The following RFX3 variants were observed in gnomAD, a reference collection of about 807,000 sequenced individuals.
RFX3 encodes the protein transcription factor RFX3.
A neutral mutation model predicts 98.6 loss-of-function variants in RFX3; 14 were observed. The observed-to-expected ratio is 0.14, with a 90% CI of 0.09 to 0.22. RFX3 has a LOEUF of 0.22. Among genes scored for constraint, RFX3 ranks in the 10% least tolerant of loss-of-function variants. RFX3 has a pLI of 1.00. For synonymous variants in RFX3, 383 were observed against 328.4 expected, an observed-to-expected ratio of 1.17 and a Z score of -1.80; for missense variants, 639 against 926.9, an observed-to-expected ratio of 0.69 and a Z score of 4.03.
At chr9:3,490,849 AAGG>A (rs1345555760) in intron 1 of RFX3, among the ~76,000 whole-genome samples, 41 of 152,092 alleles carry the variant, frequency 2.7e-4, no homozygotes, top group Non-Finnish European at 1.0e-4. Flanking sequence ...TTGTTCAAGG[AAGG>A]AGAATACACA....
chr9:3,388,382 G>C (rs1489101797), intron 2 of RFX3, among the ~76,000 whole-genome samples: 1 of 152,046 alleles, frequency 6.6e-6, no homozygotes, highest in Non-Finnish European at 1.5e-5. Flanking sequence ...GGTTAGATTT[G>C]TTCCCCAAAG....
chr9:3,494,896 G>A (rs1033921029), intron 1 of RFX3, among the ~76,000 whole-genome samples: 1 of 151,946 alleles, frequency 6.6e-6, no homozygotes, highest in African/African-American at 2.4e-5. Context: ...TTCACACTTT[G>A]AGAAGCATTT....
intron 3 of RFX3, among the ~76,000 whole-genome samples, chr9:3,332,888 T>C (rs2920377): frequency 0.18 from 26,909 of 152,096 alleles, 2,439 homozygotes; most frequent in Middle Eastern, 0.22. Context: ...TCCTAATCAT[T>C]CTTAAGCTCT....
At chr9:3,503,279 A>C (rs1398733519) in intron 1 of RFX3, among the ~76,000 whole-genome samples, 1 of 152,176 alleles carries the variant, frequency 6.6e-6, no homozygotes. Flanking sequence ...TAGATTAAAA[A>C]TAAATATTGT....
At chr9:3,481,747 T>C (rs1053473883) in intron 1 of RFX3, among the ~76,000 whole-genome samples, 1 of 152,016 alleles carries the variant, frequency 6.6e-6, no homozygotes, top group Non-Finnish European at 1.5e-5. Flanking sequence ...ATGGAAGATA[T>C]AAATGGAAAC....
chr9:3,481,993 A>C (rs779358119), intron 1 of RFX3, among the ~76,000 whole-genome samples: 9 of 152,154 alleles, frequency 5.9e-5, no homozygotes, highest in Non-Finnish European at 1.0e-4. Flanking sequence ...TAATTGATAA[A>C]AATATTCTAA....
intron 1 of RFX3, among the ~76,000 whole-genome samples, chr9:3,406,111 C>T (rs1398892566): frequency 4.6e-5 from 7 of 152,026 alleles, no homozygotes; most frequent in Admixed American, 4.6e-4. Context: ...CACATGCCAC[C>T]ACGCCTGACA....
At chr9:3,503,744 T>C (rs184420840) in intron 1 of RFX3, among the ~76,000 whole-genome samples, 2 of 152,216 alleles carry the variant, frequency 1.3e-5, no homozygotes, top group Admixed American at 1.3e-4. Context: ...AATTCATAAA[T>C]TACTATCAAA....
At chr9:3,322,702 C>T (rs1831452724) in intron 4 of RFX3, among the ~76,000 whole-genome samples, 2 of 152,062 alleles carry the variant, frequency 1.3e-5, no homozygotes, top group South Asian at 4.1e-4. Flanking sequence ...CACTGCACTC[C>T]AGCCTGGGTG....
intron 1 of RFX3, among the ~76,000 whole-genome samples, chr9:3,456,400 A>G (rs1342949663): frequency 6.6e-6 from 1 of 152,224 alleles, no homozygotes; most frequent in African/African-American, 2.4e-5. Flanking sequence ...TCTTAATTTC[A>G]GCTAATCATT....
intron 2 of RFX3, among the ~76,000 whole-genome samples, chr9:3,348,837 G>A (rs929331154): frequency 1.3e-5 from 2 of 151,880 alleles, no homozygotes; most frequent in Admixed American, 6.6e-5. Context: ...TAGTTCCTAT[G>A]ACATAACCCC....
At chr9:3,344,783 G>A (rs1246948813) in intron 3 of RFX3, 5 of 698,416 alleles carry the variant, frequency 7.2e-6, no homozygotes, top group Non-Finnish European at 1.3e-5. Flanking sequence ...GAGCATAAAG[G>A]TCGAAGTGGC....
In RFX3 at chr9:3,225,083, T is replaced by G. The variant is rs374087462; in HGVS notation, c.2209A>C (p.Arg737=). The G allele has an allele frequency of 5.6e-6, 9 of 1,613,872 alleles. No homozygotes were observed. In the African/African-American group the frequency reaches 1.1e-4, roughly 19 times the overall value. The change falls in exon 17 of 17, where the codon AGA becomes CGA. Residue 737 remains arginine, a synonymous_variant. Coordinates refer to ENST00000617270, the MANE Select transcript of RFX3 (RefSeq NM_001282116.2). ...GTATTTCCTGTAGCGCTGCACTGTC[T>G]GATAGTCTGAGTACTTGTGACAATG... ...EHIVTSTQTI[R]QCSATGNTYT... is the part of the protein sequence containing the mutation.
intron 1 of RFX3, among the ~76,000 whole-genome samples, chr9:3,507,948 T>A (rs977016423): frequency 4.0e-5 from 6 of 151,870 alleles, no homozygotes; most frequent in Non-Finnish European, 8.8e-5. Context: ...AAAATGGACA[T>A]GAGACTATAA....
rs1419893205 is a variant in RFX3, at chr9:3,271,138, C to A, written c.1087-20G>T. On this transcript the variant is annotated intron_variant, in intron 9 of 16. Coordinates refer to ENST00000617270, the MANE Select transcript of RFX3 (RefSeq NM_001282116.2). ...TATTGCCTAAAAAACAAAATGGTACCAGTATTACCTTACAATATTATTTAC... is the reference window on the plus strand; with the variant it reads ...TATTGCCTAAAAAACAAAATGGTACAAGTATTACCTTACAATATTATTTAC... The A allele has an allele frequency of 6.2e-7, 1 of 1,600,180 alleles. No individual in the cohort carries two copies. Among genetic ancestry groups the A allele is most frequent in the Admixed American group, 1.7e-5 (1 of 59,976 alleles).
intron 15 of RFX3, among the ~76,000 whole-genome samples, chr9:3,241,411 A>G (rs1819905119): frequency 6.6e-6 from 1 of 152,132 alleles, no homozygotes; most frequent in Non-Finnish European, 1.5e-5. Flanking sequence ...AGAGGATGAG[A>G]GGAGAGGTTA....
intron 1 of RFX3, among the ~76,000 whole-genome samples, chr9:3,522,268 T>C (rs1818794824): frequency 6.6e-6 from 1 of 152,176 alleles, no homozygotes; most frequent in African/African-American, 2.4e-5. Flanking sequence ...GGGAACACTA[T>C]GTATCTGTGA....
chr9:3,438,353 G>C (rs1845334446), intron 1 of RFX3, among the ~76,000 whole-genome samples: 2 of 152,006 alleles, frequency 1.3e-5, no homozygotes, highest in Admixed American at 1.3e-4. Context: ...GATACAGTAA[G>C]TCTATATCTA....
intron 15 of RFX3, among the ~76,000 whole-genome samples, chr9:3,239,930 T>C (rs541777859): frequency 6.6e-6 from 1 of 152,302 alleles, no homozygotes; most frequent in South Asian, 2.1e-4. Flanking sequence ...AGTTCTCTTC[T>C]CCAACTCTAC....
Sources: allele counts gnomAD v4.1 joint callset (sites outside exome capture counted in the v4.1 genomes callset), GRCh38; gene constraint gnomAD v4.1.1; transcripts MANE v1.5; gene names NCBI Gene and HGNC (gene_info 2026-07-23, HGNC 2026-07-21).